PCDHA2: variants seen among roughly 807,000 people sequenced by gnomAD.
PCDHA2 encodes the protein protocadherin alpha-2.
PCDHA2 carries 58 observed loss-of-function variants against 66.0 expected under a neutral mutation model. The observed-to-expected ratio is 0.88, with a 90% CI of 0.71 to 1.09. The LOEUF is 1.09. Ranked by LOEUF, PCDHA2 falls within the 50% of genes least tolerant of loss-of-function variation. The pLI is 0.00. For missense variants in PCDHA2, 1,267 were observed against 1,242.3 expected, an observed-to-expected ratio of 1.02 and a Z score of -0.30; for synonymous variants, 634 against 554.0, an observed-to-expected ratio of 1.14 and a Z score of -2.03.
At chr5:140,966,395 T>A in intron 1 of PCDHA2, 1 of 404,602 alleles carries the variant, frequency 2.5e-6, no homozygotes, top group Non-Finnish European at 4.3e-6. Flanking sequence ...GTCCGCCACT[T>A]CGGCGCGGAA....
chr5:140,853,937 G>A (rs367556947), intron 1 of PCDHA2: 2 of 835,562 alleles, frequency 2.4e-6, no homozygotes, highest in Non-Finnish European at 2.9e-6. Flanking sequence ...GGGAGGCCAA[G>A]GTGGGAGGGT....
At chr5:140,863,693 C>G (rs2048122696) in intron 1 of PCDHA2, 2 of 301,444 alleles carry the variant, frequency 6.6e-6, no homozygotes, top group African/African-American at 2.2e-5. Flanking sequence ...TTTTGAGATG[C>G]TTTATTTAAA....
Position 140,856,651 on chromosome 5 carries a change from T to C in PCDHA2, c.2388+59299T>C, listed in dbSNP as rs1284108605. 10 of 1,598,112 alleles carry C rather than the reference T, an allele frequency of 6.3e-6. 1 individual carries two copies. The highest frequency in any genetic ancestry group is 6.9e-6 in the Non-Finnish European group (8 of 1,167,692). ...TTGTTCTGCGGAAGCTGCTGGATCG[T>C]GAAGAAAATCCTCAGCTAAAGTTGT... is the stretch of plus-strand genomic sequence containing the variant. On this transcript the variant is annotated intron_variant, in intron 1 of 3. Coordinates refer to ENST00000526136, the MANE Select transcript of PCDHA2 (RefSeq NM_018905.3).
At chr5:140,809,279 G>T in intron 1 of PCDHA2, 1 of 1,614,106 alleles carries the variant, frequency 6.2e-7, no homozygotes, top group Non-Finnish European at 8.5e-7. Flanking sequence ...GGATGTCAAC[G>T]TATACCTGAT....
intron 1 of PCDHA2, among the ~76,000 whole-genome samples, chr5:140,833,741 C>T (rs1772605198): frequency 8.1e-6 from 1 of 122,760 alleles, no homozygotes; most frequent in African/African-American, 3.1e-5. Context: ...TTCTTGCCTC[C>T]TAAAAAGAAA....
chr5:140,917,152 G>A (rs1407958115), intron 1 of PCDHA2, among the ~76,000 whole-genome samples: 1 of 152,012 alleles, frequency 6.6e-6, no homozygotes, highest in Admixed American at 6.6e-5. Context: ...GCTGCTGGGG[G>A]ATATGGGAGG....
chr5:140,869,229 C>G, intron 1 of PCDHA2: 1 of 1,613,752 alleles, frequency 6.2e-7, no homozygotes, highest in Non-Finnish European at 8.5e-7. Context: ...CCAAACACGG[C>G]ACCTTCGTGG....
At chr5:140,843,605 G>A (rs2150363310) in intron 1 of PCDHA2, 2 of 1,596,092 alleles carry the variant, frequency 1.3e-6, no homozygotes, top group East Asian at 2.2e-5. Flanking sequence ...GTGCTCTGGT[G>A]AGGGGCCACC....
intron 1 of PCDHA2, chr5:140,850,562 C>T (rs782715661): frequency 6.3e-7 from 1 of 1,598,314 alleles, no homozygotes; most frequent in Non-Finnish European, 8.6e-7. Context: ...CCACGGGCCC[C>T]GAGGTGACGC....
At chr5:140,815,471 C>T (rs1243746743) in intron 1 of PCDHA2, 2 of 152,062 alleles carry the variant, frequency 1.3e-5, no homozygotes, top group Admixed American at 6.6e-5. Flanking sequence ...ATTATGTTTA[C>T]TTCTCCCCTA....
chr5:140,969,166 C>T lies in PCDHA2; in HGVS notation c.2389-9783C>T, dbSNP rs1554231524. ...GCTACAAGGCCTGTCTGACAGCAGG[C>T]TCAGGGAGTGACACTTTCATGTTTT... On this transcript the variant is annotated intron_variant, in intron 1 of 3. Transcript: ENST00000526136. 2.5e-6 allele frequency: 4 copies of T among 1,614,092 alleles called. No homozygotes were observed. In the South Asian group the frequency reaches 4.4e-5, roughly 18 times the overall value.
intron 1 of PCDHA2, among the ~76,000 whole-genome samples, chr5:140,838,045 T>G (rs1554136763): frequency 1.3e-5 from 2 of 150,866 alleles, no homozygotes; most frequent in African/African-American, 2.4e-5. Flanking sequence ...TTTCTGCACT[T>G]TTTGGTTTTC....
chr5:140,890,632 T>C (rs561301430), intron 1 of PCDHA2, among the ~76,000 whole-genome samples: 28 of 152,330 alleles, frequency 1.8e-4, no homozygotes, highest in African/African-American at 6.0e-4. Context: ...ATTAAGCATG[T>C]ATCCTTGATA....
At chr5:141,004,810 A>G (rs2098182429) in intron 3 of PCDHA2, among the ~76,000 whole-genome samples, 1 of 152,224 alleles carries the variant, frequency 6.6e-6, no homozygotes, top group Non-Finnish European at 1.5e-5. Flanking sequence ...GCTCAATTGC[A>G]GATTTGATTA....
At chr5:140,833,974 G>C (rs2150212572) in intron 1 of PCDHA2, among the ~76,000 whole-genome samples, 27 of 152,106 alleles carry the variant, frequency 1.8e-4, no homozygotes, top group Non-Finnish European at 3.5e-4. Context: ...TGAAAAAAAA[G>C]TTTTTCTAAG....
At chr5:140,854,853 C>T (rs1441066752) in intron 1 of PCDHA2, among the ~76,000 whole-genome samples, 1 of 149,620 alleles carries the variant, frequency 6.7e-6, no homozygotes, top group East Asian at 1.9e-4. Flanking sequence ...GATAAAATTA[C>T]TAGATATATT....
rs978053855 is a variant in PCDHA2 at position 141,009,492 on chromosome 5, A to T, written c.2537-135A>T. 4 of 1,478,558 alleles carry T rather than the reference A, an allele frequency of 2.7e-6. No individual in the cohort carries two copies. In the African/African-American group the frequency reaches 5.6e-5, roughly 21 times the overall value. The allele number at this position is 1,478,558 out of a possible 1,614,324, so 91.6% of individuals were successfully genotyped here. ...ATAAGTAAACACTTGCCTTGCCCTCAGACTTGAACAAACAACTCGTGATTT... is the reference window on the plus strand; with the variant it reads ...ATAAGTAAACACTTGCCTTGCCCTCTGACTTGAACAAACAACTCGTGATTT... On this transcript the variant is annotated intron_variant, in intron 3 of 3. Coordinates refer to ENST00000526136, the MANE Select transcript of PCDHA2 (RefSeq NM_018905.3).
At chr5:141,005,470 G>A (rs1563690887) in intron 3 of PCDHA2, among the ~76,000 whole-genome samples, 1 of 151,836 alleles carries the variant, frequency 6.6e-6, no homozygotes, top group South Asian at 2.1e-4. Context: ...TTGGGAGGCC[G>A]AGACGGGCGG....
intron 1 of PCDHA2, among the ~76,000 whole-genome samples, chr5:140,922,896 A>C (rs551056851): frequency 1.6e-3 from 238 of 152,336 alleles, no homozygotes; most frequent in Non-Finnish European, 2.0e-3. Context: ...TTCAAGAAAA[A>C]ATTTTGAGAT....
Sources: gnomAD v4.1 joint callset for allele counts (sites outside exome capture counted in the v4.1 genomes callset) on GRCh38, gnomAD v4.1.1 for gene constraint, MANE v1.5 for transcripts, NCBI Gene and HGNC (gene_info 2026-07-23, HGNC 2026-07-21) for gene names.